The following CTNND2 variants were observed in gnomAD, a reference collection of about 807,000 sequenced individuals.
CTNND2 encodes the protein catenin delta 2.
In CTNND2, 22 loss-of-function variants were observed where a neutral mutation model predicts 144.4. The observed-to-expected ratio is 0.15, with a 90% CI of 0.11 to 0.22. The LOEUF (loss-of-function observed/expected upper bound fraction) is 0.22. Ranked by LOEUF, CTNND2 falls within the 10% of genes least tolerant of loss-of-function variation. The pLI is 1.00. For synonymous variants in CTNND2, 751 were observed against 695.6 expected (o/e 1.08, Z -1.25); for missense variants, 1,353 against 1,618.8 (o/e 0.84, Z 2.82).
intron 2 of CTNND2, among the ~76,000 whole-genome samples, chr5:11,720,169 C>T (rs1002719147): frequency 1.1e-4 from 17 of 152,012 alleles, no homozygotes; most frequent in Non-Finnish European, 2.4e-4. Context: ...AGAGTACTTC[C>T]CTAAATTTGT....
At chr5:11,130,463 A>C (rs1402282172) in intron 12 of CTNND2, among the ~76,000 whole-genome samples, 3 of 152,180 alleles carry the variant, frequency 2.0e-5, no homozygotes, top group African/African-American at 4.8e-5. Flanking sequence ...GCTGTCAAGT[A>C]CTACCTAGGG....
chr5:11,409,963 A>G (rs768659960), intron 5 of CTNND2, among the ~76,000 whole-genome samples: 1 of 151,592 alleles, frequency 6.6e-6, no homozygotes, highest in Non-Finnish European at 1.5e-5. Flanking sequence ...TGTACTTTCC[A>G]TTTATTAAAT....
chr5:11,121,298 T>C (rs1323577711), intron 12 of CTNND2, among the ~76,000 whole-genome samples: 1 of 152,214 alleles, frequency 6.6e-6, no homozygotes, highest in African/African-American at 2.4e-5. Context: ...CAATGTTCAA[T>C]CTAGAAAGTT....
chr5:11,081,658 A>ACCTGGAGGACATTATGCTATGAT (rs1427255445), intron 16 of CTNND2, among the ~76,000 whole-genome samples: 7 of 152,232 alleles, frequency 4.6e-5, no homozygotes, highest in Non-Finnish European at 8.8e-5. Context: ...TGTCCCATGA[A>ACCTGGAGGACATTATGCTATGAT]TGTCTATGAT....
intron 2 of CTNND2, among the ~76,000 whole-genome samples, chr5:11,697,013 A>G (rs1393267058): frequency 7.0e-6 from 1 of 142,788 alleles, no homozygotes; most frequent in African/African-American, 3.1e-5. Flanking sequence ...CAAAATGTCC[A>G]TAAATAAAAG....
At chr5:11,495,975 G>A (rs1038110069) in intron 3 of CTNND2, among the ~76,000 whole-genome samples, 1 of 152,080 alleles carries the variant, frequency 6.6e-6, no homozygotes, top group African/African-American at 2.4e-5. Flanking sequence ...TCATTGCTAT[G>A]ATGTTGTTAT....
intron 16 of CTNND2, among the ~76,000 whole-genome samples, chr5:11,040,185 G>A (rs1744550449): frequency 6.6e-6 from 1 of 152,168 alleles, no homozygotes; most frequent in South Asian, 2.1e-4. Context: ...GGTGGAGGTT[G>A]CAGTGAGCTG....
chr5:11,759,722 A>G (rs1473619494), intron 1 of CTNND2, among the ~76,000 whole-genome samples: 1 of 152,124 alleles, frequency 6.6e-6, no homozygotes, highest in Non-Finnish European at 1.5e-5. Flanking sequence ...AATAACACTA[A>G]TTGTGTACGT....
intron 15 of CTNND2, among the ~76,000 whole-genome samples, chr5:11,095,588 G>T (rs1394480626): frequency 6.6e-6 from 1 of 152,160 alleles, no homozygotes; most frequent in Non-Finnish European, 1.5e-5. Flanking sequence ...GTAGTCAGTG[G>T]GACAGAAAGA....
At chr5:11,406,196 G>T (rs1761093470) in intron 5 of CTNND2, among the ~76,000 whole-genome samples, 1 of 152,114 alleles carries the variant, frequency 6.6e-6, no homozygotes, top group Admixed American at 6.5e-5. Flanking sequence ...ATGATAAAGT[G>T]ATTTCACAGG....
intron 2 of CTNND2, among the ~76,000 whole-genome samples, chr5:11,579,273 GA>G (rs1332853789): frequency 6.6e-6 from 1 of 151,928 alleles, no homozygotes; most frequent in Admixed American, 6.6e-5. Context: ...ATGTAGCAGT[GA>G]TAAATGTACC....
chr5:11,525,889 C>T lies in CTNND2; in HGVS notation c.287+39055G>A, dbSNP rs138431955. On this transcript the variant is annotated intron_variant, in intron 3 of 21. Coordinates refer to ENST00000304623, the MANE Select transcript of CTNND2 (RefSeq NM_001332.4). Reference sequence around the variant, plus strand: ...CTTGAACAGAAATAAGAAGGTAAATCACTATCTTACTTGTTTTTTTGTTTG... The same window carrying T: ...CTTGAACAGAAATAAGAAGGTAAATTACTATCTTACTTGTTTTTTTGTTTG... 6.8e-3 allele frequency among the ~76,000 whole-genome samples: 1,033 copies of T among 152,240 alleles called. 10 individuals are homozygous for T. The highest frequency in any genetic ancestry group is 0.011 in the Non-Finnish European group (772 of 68,018).
At chr5:11,745,243 G>T (rs937182476) in intron 1 of CTNND2, among the ~76,000 whole-genome samples, 8 of 152,040 alleles carry the variant, frequency 5.3e-5, no homozygotes, top group African/African-American at 1.9e-4. Context: ...TGGCAATGTT[G>T]TCACCCCTCA....
intron 1 of CTNND2, among the ~76,000 whole-genome samples, chr5:11,828,375 CAAGAAT>C (rs1158971913): frequency 6.6e-6 from 1 of 151,944 alleles, no homozygotes; most frequent in Non-Finnish European, 1.5e-5. Flanking sequence ...ACTAAAAATA[CAAGAAT>C]AAGCTGGGCA....
chr5:11,491,716 G>A (rs77153100), intron 3 of CTNND2, among the ~76,000 whole-genome samples: 2,505 of 152,306 alleles, frequency 0.016, 70 homozygotes, highest in African/African-American at 0.057. Flanking sequence ...CAAGTGCTCT[G>A]GTTCCTCGTC....
chr5:11,867,568 G>A (rs1795830112), intron 1 of CTNND2, among the ~76,000 whole-genome samples: 1 of 152,090 alleles, frequency 6.6e-6, no homozygotes, highest in Non-Finnish European at 1.5e-5. Flanking sequence ...TAGAATTATT[G>A]TGTATTAGAC....
At chr5:11,447,548 T>C (rs61755466) in intron 3 of CTNND2, among the ~76,000 whole-genome samples, 2 of 152,206 alleles carry the variant, frequency 1.3e-5, no homozygotes, top group African/African-American at 4.8e-5. Context: ...CTATGTGGCA[T>C]AGGCACCAAT....
chr5:11,228,104 G>T (rs1740558252), intron 10 of CTNND2, among the ~76,000 whole-genome samples: 1 of 151,924 alleles, frequency 6.6e-6, no homozygotes, highest in African/African-American at 2.4e-5. Flanking sequence ...CTCTTTGGGA[G>T]GGCAAGGCTG....
chr5:11,208,866 G>C (rs1444699070), intron 10 of CTNND2, among the ~76,000 whole-genome samples: 1 of 152,166 alleles, frequency 6.6e-6, no homozygotes, highest in Non-Finnish European at 1.5e-5. Context: ...AAGAAGTTTA[G>C]ATACTTAGCA....
Sources: allele counts gnomAD v4.1 joint callset (sites outside exome capture counted in the v4.1 genomes callset), GRCh38; gene constraint gnomAD v4.1.1; transcripts MANE v1.5; gene names NCBI Gene and HGNC (gene_info 2026-07-23, HGNC 2026-07-21).